Variants in SLC6A19 observed in about 807,000 individuals in gnomAD.
SLC6A19 encodes the protein solute carrier family 6 member 19, also known as sodium-dependent neutral amino acid transporter B(0)AT1.
In SLC6A19, 67 loss-of-function variants were observed where a neutral mutation model predicts 68.3. The observed-to-expected ratio is 0.98, with a 90% CI of 0.81 to 1.20. SLC6A19 has a LOEUF of 1.20. Among genes scored for constraint, SLC6A19 ranks in the 50% most tolerant of loss-of-function variants. SLC6A19 has a pLI of 0.00. For missense variants in SLC6A19, 813 were observed against 851.6 expected, an observed-to-expected ratio of 0.95 and a Z score of 0.56; for synonymous variants, 392 against 374.9, an observed-to-expected ratio of 1.05 and a Z score of -0.53.
Position 1,222,038 on chromosome 5 carries a change from G to C in SLC6A19, c.*134G>C. The stretch of plus-strand genomic sequence containing the variant: ...ATGCTCGTGTGTGAGTGTGTGTATT[G>C]TACACGCATGTGCCATGTGTGCAGA... On this transcript the variant is annotated 3_prime_UTR_variant, in exon 12 of 12. Coordinates refer to ENST00000304460, the MANE Select transcript of SLC6A19 (RefSeq NM_001003841.3). 1.0e-6 allele frequency: 1 copy of C among 961,902 alleles called. No homozygotes were observed. Among genetic ancestry groups the C allele is most frequent in the Non-Finnish European group, 1.6e-6 (1 of 636,366 alleles). 59.6% of individuals were successfully genotyped at this position (961,902 alleles called of 1,614,324 possible). A position where few individuals can be genotyped will look rare whatever the true frequency, so the allele number is the denominator to read the frequency against.
At position 1,224,317 on chromosome 5, in the gene SLC6A19, G is replaced by A. The variant is rs1746484553; in HGVS notation, c.*2413G>A. The A allele has an allele frequency of 6.6e-6, 1 of 152,264 alleles. No homozygotes were observed. Among genetic ancestry groups the A allele is most frequent in the African/African-American group, 2.4e-5 (1 of 41,470 alleles). 9.4% of individuals were successfully genotyped at this position (152,264 alleles called of 1,614,324 possible). ...AGGTTTCAATGTCTCTGTAAATGTG[G>A]TAGAAATGCAGGCTTTATGGGCATA... is the stretch of plus-strand genomic sequence containing the variant. On this transcript the variant is annotated 3_prime_UTR_variant, in exon 12 of 12. Transcript: ENST00000304460.
intron 1 of SLC6A19, among the ~76,000 whole-genome samples, chr5:1,203,107 AG>A (rs1296860370): frequency 2.2e-5 from 3 of 138,138 alleles, no homozygotes; most frequent in Admixed American, 2.1e-4. Context: ...TTTAGCTTGG[AG>A]GAGAAACTGA....
At position 1,201,698 on chromosome 5, in the gene SLC6A19, G is replaced by A. The variant is rs141911612; in HGVS notation, c.48G>A (p.Pro16=). ...LPNPGLDARI[P]SLAELETIEQ... is the part of the protein sequence containing the mutation. Reference sequence around the variant, plus strand: ...ACCCCGGCCTAGACGCCCGGATCCCGTCCCTGGCTGAGCTGGAGACCATCG... The same window carrying A: ...ACCCCGGCCTAGACGCCCGGATCCCATCCCTGGCTGAGCTGGAGACCATCG... Residue 16 remains proline (P), a synonymous_variant, in exon 1 of 12, where the codon CCG becomes CCA. Transcript: ENST00000304460. 1.6e-4 allele frequency: 265 copies of A among 1,611,458 alleles called. 3 individuals carry two copies. In the South Asian group the frequency reaches 2.1e-3, roughly 13 times the overall value.
At chr5:1,211,548 G>A (rs905595602) in intron 3 of SLC6A19, among the ~76,000 whole-genome samples, 2 of 152,246 alleles carry the variant, frequency 1.3e-5, no homozygotes, top group African/African-American at 4.8e-5. Flanking sequence ...GTGTGCTCGT[G>A]TGCTCACAAA....
intron 9 of SLC6A19, 97 bp downstream of exon 9, chr5:1,219,204 G>A (rs1172955172): frequency 8.5e-7 from 1 of 1,183,168 alleles, no homozygotes; most frequent in East Asian, 2.6e-5. Context: ...GGCCGTGCGT[G>A]CAGCCCCCGG....
chr5:1,213,763 G>T (rs1364724943), intron 5 of SLC6A19, among the ~76,000 whole-genome samples, 190 bp downstream of exon 5: 1 of 152,084 alleles, frequency 6.6e-6, no homozygotes, highest in East Asian at 2.0e-4. Flanking sequence ...CAGCTCCTGG[G>T]AGGGTGGCTT....
chr5:1,216,358 G>A (rs1448851067), intron 6 of SLC6A19, among the ~76,000 whole-genome samples, 200 bp from the exon 7 acceptor site: 2 of 152,210 alleles, frequency 1.3e-5, no homozygotes, highest in African/African-American at 4.8e-5. Context: ...AGGGGACCAG[G>A]TGCTGCCCTG....
At position 1,201,612 on chromosome 5, in the gene SLC6A19, T is replaced by C; in HGVS notation, c.-39T>C. ...CCACGGCCACTCGCCCTCCAGCTTC[T>C]GCCCTGCCTGCTGTGTGCGGAGCCG... On this transcript the variant is annotated 5_prime_UTR_variant, in exon 1 of 12. Transcript: ENST00000304460. 2 of 1,586,592 alleles carry C rather than the reference T, an allele frequency of 1.3e-6. No individual in the cohort carries two copies. Among genetic ancestry groups the C allele is most frequent in the Non-Finnish European group, 1.7e-6 (2 of 1,172,892 alleles).
chr5:1,202,647 C>T (rs1319436210), intron 1 of SLC6A19, among the ~76,000 whole-genome samples: 1 of 151,654 alleles, frequency 6.6e-6, no homozygotes, highest in Non-Finnish European at 1.5e-5. Context: ...GAGGGCCGGG[C>T]ACCCTTGGGA....
chr5:1,220,623 G>A (rs531121928), intron 10 of SLC6A19, among the ~76,000 whole-genome samples: 6 of 152,246 alleles, frequency 3.9e-5, no homozygotes, highest in East Asian at 3.9e-4. Flanking sequence ...ACGCTTCTGC[G>A]GGGACCATGG....
At position 1,216,603 on chromosome 5, in the gene SLC6A19, C is replaced by G. The variant is rs1746214710; in HGVS notation, c.933C>G (p.Gly311=). 6.2e-7 allele frequency: 1 copy of G among 1,614,174 alleles called. No homozygotes were observed. The highest frequency in any genetic ancestry group is 8.5e-7 in the Non-Finnish European group (1 of 1,180,044). ...CGGTGATTGTGTCCATCATCAACGG[C>G]TTCACATCGGTGTATGTGGCCATCG... ...KDSVIVSIIN[G]FTSVYVAIVV... is the part of the protein sequence containing the mutation. Residue 311 remains glycine (G), a synonymous_variant, in exon 7 of 12, where the codon GGC becomes GGG. Transcript: ENST00000304460.
Position 1,215,897 on chromosome 5 carries a change from T to C in SLC6A19, c.888-661T>C, listed in dbSNP as rs1561167177. Among the ~76,000 whole-genome samples the C allele has an allele frequency of 1.3e-5, 2 of 152,346 alleles. No individual in the cohort carries two copies. Among genetic ancestry groups the C allele is most frequent in the East Asian group, 3.9e-4 (2 of 5,180 alleles). On this transcript the variant is annotated intron_variant, in intron 6 of 11. Transcript: ENST00000304460. This position sits in a 1 kb window ranked among gnomAD's most constrained non-coding sequence, Gnocchi z 5.1. ...CCCGTATCCTCACCAACACTTGTTA[T>C]TGTCTGACTTTTGTTTCTGGCCATC...
chr5:1,207,290 T>C (rs1435274768), intron 1 of SLC6A19, among the ~76,000 whole-genome samples: 1 of 152,088 alleles, frequency 6.6e-6, no homozygotes, highest in Admixed American at 6.5e-5. Context: ...TGCCCAGGAG[T>C]GGCTGCACCT....
In SLC6A19 at chr5:1,212,777, C is replaced by T. The variant is rs1188371915; in HGVS notation, c.663+293C>T. ...ATACAAACTACCAGAAAGAGATAGA[C>T]GATGATGATGATGATGGTGATGATG... On this transcript the variant is annotated intron_variant, in intron 4 of 11. Coordinates refer to ENST00000304460, the MANE Select transcript of SLC6A19 (RefSeq NM_001003841.3). The surrounding 1 kb of genome is among the most constrained non-coding windows in gnomAD (Gnocchi z 5.1). 1.3e-5 allele frequency among the ~76,000 whole-genome samples: 2 copies of T among 151,994 alleles called. No homozygotes were observed. Among genetic ancestry groups the T allele is most frequent in the Admixed American group, 1.3e-4 (2 of 15,266 alleles).
At chr5:1,216,723 G>A (rs1746220635) in intron 7 of SLC6A19, 37 bp downstream of exon 7, 1 of 1,613,656 alleles carries the variant, frequency 6.2e-7, no homozygotes, top group Non-Finnish European at 8.5e-7. Flanking sequence ...GCCTTGGGCT[G>A]CGCCTCCAGG....
At position 1,212,170 on chromosome 5, in the gene SLC6A19, A is replaced by T; in HGVS notation, c.482-133A>T. ...CACGTGAGCATGTGTGCCTGTGTTCATGTGCACGTGTGGGCGTGTCACTGG... is the reference window on the plus strand; with the variant it reads ...CACGTGAGCATGTGTGCCTGTGTTCTTGTGCACGTGTGGGCGTGTCACTGG... On this transcript the variant is annotated intron_variant, in intron 3 of 11. Coordinates refer to ENST00000304460, the MANE Select transcript of SLC6A19 (RefSeq NM_001003841.3). The surrounding 1 kb of genome is among the most constrained non-coding windows in gnomAD (Gnocchi z 5.1). 1 of 1,034,770 alleles carries T rather than the reference A, an allele frequency of 9.7e-7. No individual in the cohort carries two copies. The highest frequency in any genetic ancestry group is 1.5e-6 in the Non-Finnish European group (1 of 680,554). 64.1% of individuals were successfully genotyped at this position (1,034,770 alleles called of 1,614,324 possible).
At position 1,216,618 on chromosome 5, in the gene SLC6A19, T is replaced by G; in HGVS notation, c.948T>G (p.Tyr316Ter). The G allele has an allele frequency of 6.2e-7, 1 of 1,614,134 alleles. No individual in the cohort carries two copies. The highest frequency in any genetic ancestry group is 8.5e-7 in the Non-Finnish European group (1 of 1,180,044). The change falls in exon 7 of 12, where the codon TAT becomes TAG. Residue 316 changes from tyrosine to a stop codon, truncating the protein, a stop_gained. Transcript: ENST00000304460. LOFTEE classifies it high-confidence loss of function. ...VSIINGFTSV[Y>*]VAIVVYSVIG... is the part of the protein sequence containing the mutation. Reference sequence around the variant, plus strand: ...TCATCAACGGCTTCACATCGGTGTATGTGGCCATCGTGGTCTACTCCGTCA... The same window carrying G: ...TCATCAACGGCTTCACATCGGTGTAGGTGGCCATCGTGGTCTACTCCGTCA...
chr5:1,214,029 G>A lies in SLC6A19; in HGVS notation c.851G>A (p.Gly284Glu), dbSNP rs1746131318. ...TTCTTCTCCTTCTCCCTGGCCTTCG[G>A]GGGCCTCATCTCCTTCTCCAGCTAC... Reference protein sequence around the residue: ...QVFFSFSLAFGGLISFSSYNS... With the variant: ...QVFFSFSLAFEGLISFSSYNS... The change falls in exon 6 of 12, where the codon GGG (glycine) becomes GAG (glutamate). Residue 284 changes from glycine to glutamate, a missense_variant. Transcript: ENST00000304460. This position sits in a 1 kb window ranked among gnomAD's most constrained non-coding sequence, Gnocchi z 7.4. 1 of 1,613,864 alleles carries A rather than the reference G, an allele frequency of 6.2e-7. No homozygotes were observed. Among genetic ancestry groups the A allele is most frequent in the South Asian group, 1.1e-5 (1 of 91,090 alleles).
At chr5:1,202,260 G>T (rs1017144245) in intron 1 of SLC6A19, among the ~76,000 whole-genome samples, 1 of 152,214 alleles carries the variant, frequency 6.6e-6, no homozygotes, top group African/African-American at 2.4e-5. Context: ...GCCAGTGCAG[G>T]GAGCAGAGGA....
Sources: gnomAD v4.1 joint callset for allele counts (sites outside exome capture counted in the v4.1 genomes callset) on GRCh38, gnomAD v4.1.1 for gene constraint, Gnocchi (gnomAD v3.1) non-coding constraint, MANE v1.5 for transcripts, NCBI Gene and HGNC (gene_info 2026-07-23, HGNC 2026-07-21) for gene names.